The following GUCY1A1 variants were observed in gnomAD, a reference collection of about 807,000 sequenced individuals.
The protein encoded by GUCY1A1 is guanylate cyclase 1 soluble subunit alpha 1, also known as guanylate cyclase soluble subunit alpha-1.
In GUCY1A1, 48 loss-of-function variants were observed where a neutral mutation model predicts 64.5. The ratio of observed to expected loss-of-function variants is 0.74; its 90% CI spans 0.59 to 0.95. The LOEUF is 0.95. Among genes scored for constraint, GUCY1A1 ranks in the 40% least tolerant of loss-of-function variants. The probability of loss-of-function intolerance (pLI) is 0.00; values close to 1 mark genes in which losing one functional copy is unlikely to be tolerated. For missense variants in GUCY1A1, 804 were observed against 825.3 expected (o/e 0.97, Z 0.32); for synonymous variants, 308 against 303.4 (o/e 1.02, Z -0.16).
intron 2 of GUCY1A1, among the ~76,000 whole-genome samples, chr4:155,673,722 G>A (rs185583850): frequency 1.3e-5 from 2 of 151,532 alleles, no homozygotes; most frequent in African/African-American, 4.9e-5. Context: ...TAGCTTTGAA[G>A]TATTTATTTG....
intron 3 of GUCY1A1, among the ~76,000 whole-genome samples, chr4:155,703,525 T>C (rs550731667): frequency 6.6e-6 from 1 of 152,202 alleles, no homozygotes; most frequent in Non-Finnish European, 1.5e-5. Flanking sequence ...ATTGAAGTAT[T>C]GGCCGCCCGT....
In GUCY1A1 at chr4:155,710,795, C is replaced by G; in HGVS notation, c.630C>G (p.Thr210=). ...LHVYYFFPKR[T]TSLILPGIIK... ...TTTACTACTTCTTCCCTAAGAGAAC[C>G]ACCTCCCTGATTCTTCCCGGCATCA... Residue 210 remains threonine (T), a synonymous_variant, in exon 6 of 10, where the codon ACC becomes ACG. Coordinates refer to ENST00000506455, the MANE Select transcript of GUCY1A1 (RefSeq NM_001130682.3). 6.2e-7 allele frequency: 1 copy of G among 1,614,016 alleles called. No individual in the cohort carries two copies. The highest frequency in any genetic ancestry group is 8.5e-7 in the Non-Finnish European group (1 of 1,179,932).
rs571093392 is a variant in GUCY1A1 at position 155,732,037 on chromosome 4, T to C, written c.*1806T>C. 6.6e-6 allele frequency: 1 copy of C among 151,956 alleles called. No individual in the cohort carries two copies. Among genetic ancestry groups the C allele is most frequent in the Non-Finnish European group, 1.5e-5 (1 of 67,850 alleles). The allele number at this position is 151,956 out of a possible 1,614,324, so 9.4% of individuals were successfully genotyped here. A position where few individuals can be genotyped will look rare whatever the true frequency, so the allele number is the denominator to read the frequency against. ...AAAAAAAATGTAAATACATTTTTCT[T>C]TCTGGAACCGAACTCTTATTATGGG... On this transcript the variant is annotated 3_prime_UTR_variant, in exon 10 of 10. Transcript: ENST00000506455.
intron 8 of GUCY1A1, among the ~76,000 whole-genome samples, chr4:155,720,646 T>G (rs1399651253): frequency 2.0e-5 from 3 of 152,136 alleles, no homozygotes; most frequent in East Asian, 3.9e-4. Context: ...TTTGTAGAAC[T>G]CATATGACAT....
chr4:155,694,344 A>G (rs1420040301), intron 2 of GUCY1A1, among the ~76,000 whole-genome samples: 1 of 152,022 alleles, frequency 6.6e-6, no homozygotes, highest in East Asian at 1.9e-4. Context: ...GGAGTTACAG[A>G]CCAGCCTGGG....
In GUCY1A1 at chr4:155,713,579, A is replaced by G. The variant is rs1417925222; in HGVS notation, c.1568A>G (p.Tyr523Cys). Residue 523 changes from tyrosine to cysteine, a missense_variant, in exon 7 of 10, where the codon TAC becomes TGC. Physicochemically the swap from Tyr to Cys is radical, Grantham distance 194. Transcript: ENST00000506455. ...FDQQCGELDV[Y>C]KVETIGDAYC... ...CAGCAGTGTGGAGAGCTGGATGTCT[A>G]CAAGGTAGGAGTGGACCAGGGAAAT... 1 of 1,611,754 alleles carries G rather than the reference A, an allele frequency of 6.2e-7. No homozygotes were observed.
intron 4 of GUCY1A1, among the ~76,000 whole-genome samples, chr4:155,706,319 G>T (rs1216818139): frequency 1.3e-5 from 2 of 152,116 alleles, no homozygotes; most frequent in Non-Finnish European, 2.9e-5. Flanking sequence ...TAGTTTTGGG[G>T]TATCCTCTTG....
chr4:155,684,404 A>G (rs934839383), intron 2 of GUCY1A1, among the ~76,000 whole-genome samples: 1 of 152,146 alleles, frequency 6.6e-6, no homozygotes, highest in Non-Finnish European at 1.5e-5. Flanking sequence ...GTCTTTTGCT[A>G]ACCTGATTCC....
chr4:155,714,713 T>C (rs1733008279), intron 7 of GUCY1A1, among the ~76,000 whole-genome samples: 1 of 152,200 alleles, frequency 6.6e-6, no homozygotes, highest in South Asian at 2.1e-4. Flanking sequence ...TAAGCTCTTG[T>C]CTTGTTTTAT....
chr4:155,733,277 G>A lies in GUCY1A1; in HGVS notation c.*3046G>A, dbSNP rs998839469. On this transcript the variant is annotated 3_prime_UTR_variant, in exon 10 of 10. Coordinates refer to ENST00000506455, the MANE Select transcript of GUCY1A1 (RefSeq NM_001130682.3). The stretch of plus-strand genomic sequence containing the variant: ...CACAAAGTAGGGGACTCAGTTCTTA[G>A]AGAAGTCTTTTGGTCTTAGAGTTCA... Among the ~76,000 whole-genome samples the A allele has an allele frequency of 5.9e-5, 9 of 151,686 alleles. No individual in the cohort carries two copies. The highest frequency in any genetic ancestry group is 2.2e-4 in the African/African-American group (9 of 41,346).
rs1240701123 is a variant in GUCY1A1 at position 155,722,198 on chromosome 4, A to G, written c.1871+6A>G. ...GTCAGCCCAACAACTTACAGGTAGTAATTATGTTAAACACCTAAAATCTCT... is the reference window on the plus strand; with the variant it reads ...GTCAGCCCAACAACTTACAGGTAGTGATTATGTTAAACACCTAAAATCTCT... On this transcript the variant is annotated splice_donor_region_variant and intron_variant, in intron 9 of 9. Coordinates refer to ENST00000506455, the MANE Select transcript of GUCY1A1 (RefSeq NM_001130682.3). The G allele has an allele frequency of 8.7e-6, 14 of 1,610,802 alleles. No homozygotes were observed. The highest frequency in any genetic ancestry group is 1.2e-5 in the Non-Finnish European group (14 of 1,178,116).
chr4:155,713,877 T>C (rs1732906751), intron 7 of GUCY1A1, among the ~76,000 whole-genome samples: 1 of 152,050 alleles, frequency 6.6e-6, no homozygotes, highest in South Asian at 2.1e-4. Flanking sequence ...GAGGATGGGG[T>C]GTAGGACCTG....
intron 2 of GUCY1A1, among the ~76,000 whole-genome samples, chr4:155,671,976 G>A (rs1391416376): frequency 2.0e-5 from 3 of 151,066 alleles, no homozygotes; most frequent in Non-Finnish European, 4.4e-5. Flanking sequence ...TGGATATCAT[G>A]TAGTAAATCA....
intron 8 of GUCY1A1, among the ~76,000 whole-genome samples, chr4:155,718,217 G>T (rs1733513291): frequency 6.6e-6 from 1 of 152,036 alleles, no homozygotes; most frequent in Non-Finnish European, 1.5e-5. Flanking sequence ...AGCCTTTGAG[G>T]TATTGTAAAA....
chr4:155,676,186 T>C (rs1307852662), intron 2 of GUCY1A1, among the ~76,000 whole-genome samples: 1 of 151,224 alleles, frequency 6.6e-6, no homozygotes, highest in African/African-American at 2.5e-5. Context: ...AGGCTCAGTA[T>C]GTGGGACATA....
At chr4:155,688,310 T>A (rs548504173) in intron 2 of GUCY1A1, among the ~76,000 whole-genome samples, 6 of 151,262 alleles carry the variant, frequency 4.0e-5, no homozygotes, top group South Asian at 2.1e-4. Flanking sequence ...TATGTATGTA[T>A]GTGTGTGTGT....
At chr4:155,708,129 GC>G (rs1732047320) in intron 4 of GUCY1A1, 106 bp from the exon 5 acceptor site, 2 of 627,808 alleles carry the variant, frequency 3.2e-6, no homozygotes, top group Non-Finnish European at 5.7e-6. Flanking sequence ...GAGCCGCTGT[GC>G]CTGGCCTAAT....
rs1008510437 is a variant in GUCY1A1, at chr4:155,736,536, G to A, written c.*6305G>A. On this transcript the variant is annotated 3_prime_UTR_variant, in exon 10 of 10. Transcript: ENST00000506455. Reference sequence around the variant, plus strand: ...TGACTAAGAACTTACTGTTTAGAGAGAAAAAATAGTAAATAATGTTCAAAA... The same window carrying A: ...TGACTAAGAACTTACTGTTTAGAGAAAAAAAATAGTAAATAATGTTCAAAA... The A allele has an allele frequency of 6.6e-6, 1 of 151,704 alleles. No homozygotes were observed. Among genetic ancestry groups the A allele is most frequent in the African/African-American group, 2.4e-5 (1 of 41,232 alleles). The allele number at this position is 151,704 out of a possible 1,614,324, so 9.4% of individuals were successfully genotyped here. A position where few individuals can be genotyped will look rare whatever the true frequency, so the allele number is the denominator to read the frequency against.
At chr4:155,727,074 T>C (rs143109199) in intron 9 of GUCY1A1, among the ~76,000 whole-genome samples, 1 of 151,910 alleles carries the variant, frequency 6.6e-6, no homozygotes, top group African/African-American at 2.4e-5. Flanking sequence ...AGGAACAAAG[T>C]GAATAAAGGA....
Sources: gnomAD v4.1 joint callset for allele counts (sites outside exome capture counted in the v4.1 genomes callset) on GRCh38, gnomAD v4.1.1 for gene constraint, MANE v1.5 for transcripts, NCBI Gene and HGNC (gene_info 2026-07-23, HGNC 2026-07-21) for gene names.